Variants in COL4A5 observed in about 807,000 individuals in gnomAD.
COL4A5 encodes collagen alpha-5(IV) chain.
COL4A5 carries 26 observed loss-of-function variants against 130.2 expected under a neutral mutation model. The ratio of observed to expected loss-of-function variants is 0.20; its 90% CI spans 0.15 to 0.28. COL4A5 has a LOEUF of 0.28. COL4A5 is among the 10% of genes least tolerant of loss of function. The pLI is 1.00. For synonymous variants in COL4A5, 496 were observed against 439.6 expected, an observed-to-expected ratio of 1.13 and a Z score of -1.60; for missense variants, 1,131 against 1,344.3, an observed-to-expected ratio of 0.84 and a Z score of 2.48.
intron 1 of COL4A5, among the ~76,000 whole-genome samples, chrX:108,506,772 GGTCTGACTCTGTGCCTA>G (rs1322240133): frequency 9.1e-6 from 1 of 110,005 alleles, no homozygotes; most frequent in African/African-American, 3.3e-5. Context: ...CTAAGAGATA[GGTCTGACTCTGTGCCTA>G]GGCTACACTG....
chrX:108,563,960 T>C (rs766832852), intron 4 of COL4A5, 34 bp downstream of exon 4: 5 of 1,106,963 alleles, frequency 4.5e-6, no homozygotes, highest in Non-Finnish European at 6.2e-6. Flanking sequence ...AAATACTTTG[T>C]TGGTGGAAAC....
chrX:108,627,558 G>C, intron 36 of COL4A5: 2 of 687,963 alleles, frequency 2.9e-6, no homozygotes, highest in Non-Finnish European at 3.5e-6. Context: ...CATATATGTA[G>C]TTATTTATAC....
rs1250552360 is a variant in COL4A5 at position 108,439,969 on chromosome X, C to T, written c.-157C>T. 14 of 423,424 alleles carry T rather than the reference C, an allele frequency of 3.3e-5. No homozygotes were observed. The highest frequency in any genetic ancestry group is 7.7e-5 in the African/African-American group (3 of 38,745). 34.9% of individuals were successfully genotyped at this position (423,424 alleles called of 1,213,427 possible). On this transcript the variant is annotated 5_prime_UTR_variant, in exon 1 of 53. Coordinates refer to ENST00000328300, the MANE Select transcript of COL4A5 (RefSeq NM_033380.3). ...TCCTTCTTCTTCTTCTTTTTTTTTT[C>T]TTCCACTCTTAAAAAGCTTCTTTCT...
chrX:108,657,638 TA>T (rs1472855170), intron 37 of COL4A5, among the ~76,000 whole-genome samples: 1 of 111,553 alleles, frequency 9.0e-6, no homozygotes, highest in Non-Finnish European at 1.9e-5. Context: ...TCCATTTATG[TA>T]GGTATTGAGT....
chrX:108,567,707 C>T (rs971238157), intron 4 of COL4A5, among the ~76,000 whole-genome samples: 3 of 111,726 alleles, frequency 2.7e-5, no homozygotes, highest in Non-Finnish European at 5.6e-5. Context: ...GGACATCATA[C>T]ATGGCAGCAG....
At chrX:108,626,534 C>T (rs1473106705) in intron 36 of COL4A5, 185 bp downstream of exon 36, 1 of 1,142,907 alleles carries the variant, frequency 8.7e-7, no homozygotes, top group East Asian at 3.3e-5. Context: ...TGTGGCCAGT[C>T]CAAAATAAAA....
intron 2 of COL4A5, among the ~76,000 whole-genome samples, chrX:108,552,623 G>C (rs1244727538): frequency 9.0e-6 from 1 of 111,399 alleles, no homozygotes; most frequent in Non-Finnish European, 1.9e-5. Context: ...AAAATATTGC[G>C]GTGAGAAATA....
At chrX:108,695,034 A>T in intron 51 of COL4A5, 113 bp downstream of exon 51, 1 of 692,686 alleles carries the variant, frequency 1.4e-6, no homozygotes, top group Non-Finnish European at 2.3e-6. Context: ...CTTAAACTTC[A>T]AACAGCTTCT....
intron 2 of COL4A5, among the ~76,000 whole-genome samples, chrX:108,548,524 G>T (rs2065701715): frequency 9.0e-6 from 1 of 111,318 alleles, no homozygotes; most frequent in African/African-American, 3.3e-5. Flanking sequence ...AAGGACAGGA[G>T]AGAAAGAACA....
At chrX:108,528,074 C>T (rs1169160704) in intron 1 of COL4A5, among the ~76,000 whole-genome samples, 3 of 111,971 alleles carry the variant, frequency 2.7e-5, no homozygotes, top group Non-Finnish European at 5.6e-5. Context: ...AGAATAGGCC[C>T]ACTGACAACA....
chrX:108,515,966 G>T, intron 1 of COL4A5, among the ~76,000 whole-genome samples: 1 of 111,803 alleles, frequency 8.9e-6, no homozygotes, highest in Non-Finnish European at 1.9e-5. Flanking sequence ...TTCTGCTCAT[G>T]TTGGAAAATA....
Position 108,559,086 on chromosome X carries a change from T to G in COL4A5, c.164T>G (p.Leu55Trp), listed in dbSNP as rs779142914. 1.7e-6 allele frequency: 2 copies of G among 1,210,741 alleles called. No individual in the cohort carries two copies. Among genetic ancestry groups the G allele is most frequent in the Admixed American group, 4.3e-5 (2 of 45,999 alleles). The change falls in exon 3 of 53, where the codon TTG becomes TGG. Residue 55 changes from leucine to tryptophan, a missense_variant. Transcript: ENST00000328300. ...GEKGERGFPG[L>W]EGHPGLPGFP... Reference sequence around the variant, plus strand: ...CAGGGAGAGAGAGGGTTTCCAGGTTTGGAAGGACACCCAGGATTGCCTGGA... The same window carrying G: ...CAGGGAGAGAGAGGGTTTCCAGGTTGGGAAGGACACCCAGGATTGCCTGGA...
intron 19 of COL4A5, among the ~76,000 whole-genome samples, chrX:108,589,183 G>GT (rs1272491936): frequency 9.0e-6 from 1 of 111,301 alleles, no homozygotes; most frequent in African/African-American, 3.3e-5. Context: ...TTTTTGTCTT[G>GT]TTAGGGAAAG....
At chrX:108,603,191 T>C (rs1469053075) in intron 28 of COL4A5, 130 bp downstream of exon 28, 2 of 405,602 alleles carry the variant, frequency 4.9e-6, no homozygotes, top group East Asian at 8.1e-5. Flanking sequence ...AGATAACTTA[T>C]TATATTTCCA....
At chrX:108,600,651 TAG>T (rs2066611296) in intron 25 of COL4A5, among the ~76,000 whole-genome samples, 1 of 78,917 alleles carries the variant, frequency 1.3e-5, no homozygotes, top group Admixed American at 1.2e-4. Flanking sequence ...ATTAGATAGA[TAG>T]ATAGATAGAT....
intron 1 of COL4A5, among the ~76,000 whole-genome samples, chrX:108,529,631 A>G (rs750148923): frequency 1.8e-5 from 2 of 111,629 alleles, no homozygotes; most frequent in Non-Finnish European, 3.8e-5. Flanking sequence ...TTAAAAAAAC[A>G]TGATGCAACT....
At position 108,480,205 on chromosome X, in the gene COL4A5, C is replaced by T. The variant is rs951689331; in HGVS notation, c.81+39999C>T. 1.5e-4 allele frequency among the ~76,000 whole-genome samples: 17 copies of T among 112,116 alleles called. 1 individual carries two copies. Among genetic ancestry groups the T allele is most frequent in the Admixed American group, 1.9e-4 (2 of 10,638 alleles). ...GTGTTGGCTCCAAAATCCAAATAGG[C>T]CCACTAGGCGTTGTGCCTCTTTCTT... On this transcript the variant is annotated intron_variant, in intron 1 of 52. Coordinates refer to ENST00000328300, the MANE Select transcript of COL4A5 (RefSeq NM_033380.3).
At chrX:108,463,717 A>C (rs757378509) in intron 1 of COL4A5, among the ~76,000 whole-genome samples, 5 of 111,479 alleles carry the variant, frequency 4.5e-5, no homozygotes, top group African/African-American at 9.8e-5. Flanking sequence ...ACTTCTCCAC[A>C]TTGTTAGCTT....
At chrX:108,580,082 A>T (rs1016923907) in intron 13 of COL4A5, among the ~76,000 whole-genome samples, 7 of 111,211 alleles carry the variant, frequency 6.3e-5, no homozygotes, top group South Asian at 3.7e-4. Flanking sequence ...ATTTATTTTT[A>T]TTTTATTTTA....
Sources: allele counts gnomAD v4.1 joint callset (sites outside exome capture counted in the v4.1 genomes callset), GRCh38; gene constraint gnomAD v4.1.1; transcripts MANE v1.5; gene names NCBI Gene and HGNC (gene_info 2026-07-23, HGNC 2026-07-21).